Variants in DGKI observed in about 807,000 individuals in gnomAD.
The protein encoded by DGKI is diacylglycerol kinase iota.
In DGKI, 55 loss-of-function variants were observed where a neutral mutation model predicts 147.5. That is an observed-to-expected ratio of 0.37 (90% confidence interval 0.30 to 0.47). DGKI has a LOEUF of 0.47. DGKI is among the 20% of genes least tolerant of loss of function. The probability of loss-of-function intolerance (pLI) is 1.00; values close to 1 mark genes in which losing one functional copy is unlikely to be tolerated. For missense variants in DGKI, 1,007 were observed against 1,323.8 expected (o/e 0.76, Z 3.71); for synonymous variants, 469 against 477.1 (o/e 0.98, Z 0.22).
chr7:137,517,429 TA>T (rs1185083813), intron 21 of DGKI, among the ~76,000 whole-genome samples: 1 of 148,756 alleles, frequency 6.7e-6, no homozygotes, highest in Non-Finnish European at 1.5e-5. Flanking sequence ...GAAAGAAAGA[TA>T]AAAAAAGAAA....
intron 21 of DGKI, among the ~76,000 whole-genome samples, chr7:137,513,573 A>C: frequency 1.3e-5 from 2 of 152,224 alleles, no homozygotes; most frequent in East Asian, 3.9e-4. Context: ...GATGTGTTTT[A>C]AGAAACATGT....
chr7:137,804,907 C>T (rs1331858416), intron 1 of DGKI, among the ~76,000 whole-genome samples: 1 of 152,186 alleles, frequency 6.6e-6, no homozygotes, highest in Non-Finnish European at 1.5e-5. Context: ...TTATGTTCAA[C>T]TCAAATGACT....
chr7:137,808,569 C>T (rs1204835744), intron 1 of DGKI, among the ~76,000 whole-genome samples: 1 of 152,168 alleles, frequency 6.6e-6, no homozygotes, highest in Non-Finnish European at 1.5e-5. Context: ...CCTCCCCTAG[C>T]CCCCACTGTC....
At chr7:137,397,437 A>G (rs113937811) in intron 30 of DGKI, 24 bp from the exon 31 acceptor site, 1 of 1,609,074 alleles carries the variant, frequency 6.2e-7, no homozygotes, top group Non-Finnish European at 8.5e-7. Context: ...AAGCAAGATG[A>G]CCGTCAAAAA....
chr7:137,838,780 A>G (rs1798462962), intron 1 of DGKI, among the ~76,000 whole-genome samples: 2 of 152,236 alleles, frequency 1.3e-5, no homozygotes, highest in Admixed American at 1.3e-4. Flanking sequence ...ATCTTTTAAA[A>G]TATATTCTGC....
chr7:137,717,895 T>C (rs1265771743), intron 1 of DGKI, among the ~76,000 whole-genome samples: 1 of 152,118 alleles, frequency 6.6e-6, no homozygotes, highest in East Asian at 1.9e-4. Context: ...CTCTGATTGA[T>C]TTAAACTTCC....
At chr7:137,467,127 C>A (rs540813045) in intron 24 of DGKI, among the ~76,000 whole-genome samples, 185 bp from the exon 25 acceptor site, 1 of 152,296 alleles carries the variant, frequency 6.6e-6, no homozygotes, top group East Asian at 1.9e-4. Context: ...TATTCTAAGG[C>A]TTGGAAAGCC....
At chr7:137,688,924 T>C (rs894109632) in intron 2 of DGKI, among the ~76,000 whole-genome samples, 11 of 152,172 alleles carry the variant, frequency 7.2e-5, no homozygotes, top group Non-Finnish European at 1.2e-4. Context: ...ACATCCAGTC[T>C]TTTGCCAGGC....
intron 1 of DGKI, among the ~76,000 whole-genome samples, chr7:137,713,575 T>C (rs982594669): frequency 6.6e-5 from 10 of 152,206 alleles, no homozygotes; most frequent in Non-Finnish European, 1.5e-4. Context: ...TCTGTTTAAT[T>C]ACTGTTAGGA....
chr7:137,523,653 C>A (rs1817043952), intron 20 of DGKI, among the ~76,000 whole-genome samples: 1 of 152,130 alleles, frequency 6.6e-6, no homozygotes, highest in African/African-American at 2.4e-5. Flanking sequence ...ACCGATCCAT[C>A]ACTCAAATTG....
chr7:137,764,623 C>T (rs537785103), intron 1 of DGKI, among the ~76,000 whole-genome samples: 13 of 152,312 alleles, frequency 8.5e-5, no homozygotes, highest in East Asian at 1.9e-4. Flanking sequence ...CAGTGCTCTT[C>T]GGCAGTATGG....
intron 21 of DGKI, among the ~76,000 whole-genome samples, chr7:137,497,284 A>G (rs1351540963): frequency 6.6e-6 from 1 of 152,142 alleles, no homozygotes; most frequent in East Asian, 1.9e-4. Context: ...TAAAAAGTCA[A>G]AACATGACAG....
At chr7:137,674,540 A>G (rs1281715495) in intron 3 of DGKI, among the ~76,000 whole-genome samples, 1 of 152,218 alleles carries the variant, frequency 6.6e-6, no homozygotes, top group African/African-American at 2.4e-5. Context: ...CTTGGTTTAG[A>G]CAATGTATTC....
chr7:137,555,335 G>A lies in DGKI; in HGVS notation c.1948-2767C>T, dbSNP rs1427695186. Reference sequence around the variant, plus strand: ...GAGGTCAGAAGTTCAAGACCAGCTAGGGCAACATAGTCAGACTCCATCTCT... The same window carrying A: ...GAGGTCAGAAGTTCAAGACCAGCTAAGGCAACATAGTCAGACTCCATCTCT... On this transcript the variant is annotated intron_variant, in intron 19 of 32. Transcript: ENST00000614521. Among the ~76,000 whole-genome samples, 3 of 151,884 alleles carry A rather than the reference G, an allele frequency of 2.0e-5. No individual in the cohort carries two copies. The East Asian group carries it at 5.9e-4, about 30-fold the overall frequency.
At chr7:137,678,187 A>T (rs909555050) in intron 3 of DGKI, among the ~76,000 whole-genome samples, 2 of 151,988 alleles carry the variant, frequency 1.3e-5, no homozygotes, top group African/African-American at 4.8e-5. Context: ...TTCCCTACAG[A>T]CAGAGCCCCT....
At chr7:137,722,162 G>C in intron 1 of DGKI, 3 of 1,599,966 alleles carry the variant, frequency 1.9e-6, no homozygotes, top group Middle Eastern at 1.8e-4. Context: ...AGGTATTCCC[G>C]ATCTGCTATG....
intron 1 of DGKI, among the ~76,000 whole-genome samples, chr7:137,743,931 C>T (rs568288321): frequency 7.7e-4 from 114 of 148,088 alleles, no homozygotes; most frequent in Middle Eastern, 7.0e-3. Flanking sequence ...TGCAGTGAGC[C>T]GAGATAGCAC....
Position 137,617,124 on chromosome 7 carries a change from CAAAAAAAAAAAAAAAA to C in DGKI, c.993+2684_993+2699del, listed in dbSNP as rs60654879. Among the ~76,000 whole-genome samples, 8 of 48,134 alleles carry C rather than the reference CAAAAAAAAAAAAAAAA, an allele frequency of 1.7e-4. No individual in the cohort carries two copies. The South Asian group carries it at 5.3e-3, about 32-fold the overall frequency. 31.6% of individuals were successfully genotyped at this position (48,134 alleles called of 152,430 possible). ...TGTACTGCCAGTGTATCCCTTTTAC[CAAAAAAAAAAAAAAAA>C]AAAAAAAAAAAAATTAAACCTAAAT... On this transcript the variant is annotated intron_variant, in intron 8 of 32. Transcript: ENST00000614521.
chr7:137,405,248 AT>A (rs34385874), intron 30 of DGKI, among the ~76,000 whole-genome samples: 4 of 151,186 alleles, frequency 2.6e-5, no homozygotes, highest in East Asian at 2.0e-4. Flanking sequence ...TATTGTTATC[AT>A]TTTTTTTTCT....
Sources: allele counts gnomAD v4.1 joint callset (sites outside exome capture counted in the v4.1 genomes callset), GRCh38; gene constraint gnomAD v4.1.1; transcripts MANE v1.5; gene names NCBI Gene and HGNC (gene_info 2026-07-23, HGNC 2026-07-21).